Variants in GLG1 observed in about 807,000 individuals in gnomAD.
GLG1 encodes golgi glycoprotein 1, also known as Golgi apparatus protein 1.
In GLG1, 38 loss-of-function variants were observed where a neutral mutation model predicts 160.5. The observed-to-expected ratio is 0.24, with a 90% CI of 0.18 to 0.31. The LOEUF is 0.31. Among genes scored for constraint, GLG1 ranks in the 10% least tolerant of loss-of-function variants. The pLI is 1.00. For missense variants in GLG1, 1,373 were observed against 1,505.2 expected (o/e 0.91, Z 1.45); for synonymous variants, 644 against 543.4 (o/e 1.19, Z -2.57).
chr16:74,467,970 G>A (rs1042097716), intron 17 of GLG1, 122 bp from the exon 18 acceptor site: 19 of 612,478 alleles, frequency 3.1e-5, no homozygotes, highest in South Asian at 6.1e-5. Flanking sequence ...TAGCAAAGTC[G>A]CCTTGCAGCA....
chr16:74,593,432 T>G (rs1297741409), intron 1 of GLG1, among the ~76,000 whole-genome samples: 2 of 20,646 alleles, frequency 9.7e-5, no homozygotes, highest in African/African-American at 1.9e-4. Context: ...TACCAGAGCT[T>G]TTTTTTTTTT....
chr16:74,501,244 G>C (rs2016393524), intron 4 of GLG1, among the ~76,000 whole-genome samples: 1 of 152,210 alleles, frequency 6.6e-6, no homozygotes. Context: ...CAGAGTGAAT[G>C]ATATAGGAAG....
At chr16:74,598,635 G>C (rs1958362990) in intron 1 of GLG1, among the ~76,000 whole-genome samples, 1 of 151,982 alleles carries the variant, frequency 6.6e-6, no homozygotes, top group Admixed American at 6.6e-5. Flanking sequence ...GCTCACGTCT[G>C]TAATCCCAAC....
At chr16:74,514,970 GA>G (rs1014064806) in intron 2 of GLG1, among the ~76,000 whole-genome samples, 11 of 142,454 alleles carry the variant, frequency 7.7e-5, no homozygotes, top group East Asian at 2.0e-4. Context: ...GAAAGCAAAA[GA>G]AAAAAAAAAG....
intron 1 of GLG1, among the ~76,000 whole-genome samples, chr16:74,594,262 T>C (rs1221865457): frequency 6.6e-6 from 1 of 152,220 alleles, no homozygotes; most frequent in Non-Finnish European, 1.5e-5. Context: ...TGTTTTATTT[T>C]ACAAGTGTAT....
At chr16:74,511,914 T>G (rs2016820328) in intron 2 of GLG1, among the ~76,000 whole-genome samples, 1 of 152,154 alleles carries the variant, frequency 6.6e-6, no homozygotes, top group South Asian at 2.1e-4. Context: ...CTAAACATTT[T>G]ACTGTATCTC....
chr16:74,512,750 G>A (rs2016854767), intron 2 of GLG1, among the ~76,000 whole-genome samples: 1 of 151,522 alleles, frequency 6.6e-6, no homozygotes, highest in South Asian at 2.1e-4. Flanking sequence ...AAAGAAGGAA[G>A]AGTCAGGTTG....
chr16:74,503,743 T>C lies in GLG1; in HGVS notation c.562A>G (p.Lys188Glu), dbSNP rs1437151148. Reference sequence around the variant, plus strand: ...CCAACCGGTTCATCAGCACATTCTTTAATCTGCTCAAAATAAAGTAGCTGT... The same window carrying C: ...CCAACCGGTTCATCAGCACATTCTTCAATCTGCTCAAAATAAAGTAGCTGT... ...EVCKSTITEI[K>E]ECADEPVGKG... The change falls in exon 4 of 26, where the codon AAA (lysine) becomes GAA (glutamate). Residue 188 changes from lysine to glutamate, a missense_variant. Physicochemically the swap from Lys to Glu is moderately conservative, Grantham distance 56 (BLOSUM62 1). This residue lies in a region of GLG1 where 322 missense variants were observed against 254.6 expected (regional missense o/e 1.26). Transcript: ENST00000422840. 1 of 1,597,340 alleles carries C rather than the reference T, an allele frequency of 6.3e-7. No homozygotes were observed. The highest frequency in any genetic ancestry group is 1.1e-5 in the South Asian group (1 of 90,698).
chr16:74,579,837 G>A (rs1177156332), intron 1 of GLG1, among the ~76,000 whole-genome samples: 1 of 152,132 alleles, frequency 6.6e-6, no homozygotes, highest in Non-Finnish European at 1.5e-5. Flanking sequence ...GGCGAAGGCA[G>A]GTGGATCACA....
chr16:74,465,449 C>G (rs2014964502), intron 19 of GLG1, among the ~76,000 whole-genome samples: 1 of 152,098 alleles, frequency 6.6e-6, no homozygotes, highest in Admixed American at 6.5e-5. Flanking sequence ...CATCAGAACC[C>G]CCTAGGGAGG....
intron 2 of GLG1, among the ~76,000 whole-genome samples, chr16:74,513,387 G>C (rs1451139242): frequency 6.6e-6 from 1 of 152,082 alleles, no homozygotes; most frequent in Non-Finnish European, 1.5e-5. Context: ...CCTCCCAGTA[G>C]GGGCCAACAG....
chr16:74,512,163 T>TC (rs907216263), intron 2 of GLG1, among the ~76,000 whole-genome samples: 1 of 149,680 alleles, frequency 6.7e-6, no homozygotes, highest in African/African-American at 2.4e-5. Flanking sequence ...TTTATTTCTT[T>TC]TTTTTTTTTT....
In GLG1 at chr16:74,581,696, A is replaced by AG. The variant is rs528523806; in HGVS notation, c.438+24960dup. Among the ~76,000 whole-genome samples the AG allele has an allele frequency of 1.5e-3, 222 of 152,240 alleles. 1 individual carries two copies. The South Asian group carries it at 0.016, about 11-fold the overall frequency. On this transcript the variant is annotated intron_variant, in intron 1 of 25. Coordinates refer to ENST00000422840, the MANE Select transcript of GLG1 (RefSeq NM_001145667.2). ...GATGTTGAGGCAGGCAGATCACCTG[A>AG]GGTCAGGAGTTCGAGACCAGCCTGG...
intron 1 of GLG1, among the ~76,000 whole-genome samples, chr16:74,547,388 A>G (rs1268775207): frequency 1.3e-5 from 2 of 151,950 alleles, no homozygotes; most frequent in Non-Finnish European, 2.9e-5. Context: ...TCTAGCTTAC[A>G]TAAGTAATTG....
intron 1 of GLG1, among the ~76,000 whole-genome samples, chr16:74,586,091 T>C (rs912029871): frequency 6.9e-6 from 1 of 144,454 alleles, no homozygotes; most frequent in Non-Finnish European, 1.5e-5. Context: ...CAAGAACAGG[T>C]GGTAAACAGG....
rs754443437 is a variant in GLG1, at chr16:74,457,871, T to C, written c.3265+3A>G. 6 of 1,613,770 alleles carry C rather than the reference T, an allele frequency of 3.7e-6. No homozygotes were observed. The highest frequency in any genetic ancestry group is 1.1e-5 in the South Asian group (1 of 91,046). ...AGGATCAAGAGTGAACACAGAGACT[T>C]ACGACGCCCGCGGCCAGGGGTGATG... On this transcript the variant is annotated splice_donor_region_variant and intron_variant, in intron 24 of 25. Transcript: ENST00000422840.
chr16:74,562,181 G>C (rs898543225), intron 1 of GLG1, among the ~76,000 whole-genome samples: 2 of 152,362 alleles, frequency 1.3e-5, no homozygotes, highest in East Asian at 3.9e-4. Context: ...CACTGGACAA[G>C]TTGTAAACAG....
chr16:74,453,092 G>A lies in GLG1; in HGVS notation c.*75C>T. On this transcript the variant is annotated 3_prime_UTR_variant, in exon 26 of 26. Transcript: ENST00000422840. ...GTGTCACTTCTGAGAAGAGCGAGGT[G>A]AGTGGGGATGCTATACAAGAGGGCT... is the stretch of plus-strand genomic sequence containing the variant. 1 of 1,558,914 alleles carries A rather than the reference G, an allele frequency of 6.4e-7. No individual in the cohort carries two copies. Among genetic ancestry groups the A allele is most frequent in the Non-Finnish European group, 8.7e-7 (1 of 1,152,808 alleles).
intron 1 of GLG1, among the ~76,000 whole-genome samples, chr16:74,572,101 A>T (rs937152366): frequency 5.9e-5 from 9 of 152,202 alleles, no homozygotes; most frequent in African/African-American, 2.2e-4. Flanking sequence ...AAACCAAGGC[A>T]TGATTGGAGG....
Sources: allele counts gnomAD v4.1 joint callset (sites outside exome capture counted in the v4.1 genomes callset), GRCh38; gene constraint gnomAD v4.1.1; regional missense constraint gnomAD v4.1.1; transcripts MANE v1.5; gene names NCBI Gene and HGNC (gene_info 2026-07-23, HGNC 2026-07-21).